LINGO2: variants seen among roughly 807,000 people sequenced by gnomAD.
The protein encoded by LINGO2 is leucine-rich repeat and immunoglobulin-like domain-containing nogo receptor-interacting protein 2.
In LINGO2, 14 loss-of-function variants were observed where a neutral mutation model predicts 30.6. The observed-to-expected ratio is 0.46, with a 90% CI of 0.30 to 0.72. The LOEUF (loss-of-function observed/expected upper bound fraction) is 0.72. Ranked by LOEUF, LINGO2 falls within the 30% of genes least tolerant of loss-of-function variation. The pLI, the probability that LINGO2 is intolerant of heterozygous loss-of-function variation, is 0.07. For missense variants in LINGO2, 729 were observed against 751.7 expected, an observed-to-expected ratio of 0.97 and a Z score of 0.35; for synonymous variants, 317 against 288.5, an observed-to-expected ratio of 1.10 and a Z score of -1.00.
the LINGO2 span, among the ~76,000 whole-genome samples, chr9:29,212,158 C>CT: frequency 3.3e-5 from 5 of 152,146 alleles, no homozygotes; most frequent in Non-Finnish European, 7.4e-5. Flanking sequence ...CAAGGCACAG[C>CT]TTTCCAGAGC....
At chr9:28,756,924 T>C in the LINGO2 span, among the ~76,000 whole-genome samples, 1 of 151,990 alleles carries the variant, frequency 6.6e-6, no homozygotes, top group Non-Finnish European at 1.5e-5. Context: ...CCTTAAACTT[T>C]AATTTTCTTA....
intron 4 of LINGO2, among the ~76,000 whole-genome samples, chr9:28,189,108 C>G (rs148908783): frequency 1.1e-3 from 162 of 152,054 alleles, no homozygotes; most frequent in African/African-American, 3.7e-3. Flanking sequence ...GGCTATCCTG[C>G]AAATTCAGAA....
the LINGO2 span, among the ~76,000 whole-genome samples, chr9:29,010,054 T>G: frequency 6.6e-6 from 1 of 152,122 alleles, no homozygotes; most frequent in Non-Finnish European, 1.5e-5. Flanking sequence ...TACTTAAATG[T>G]TAGACCTAAA....
chr9:28,623,447 C>G (rs1826505318), intron 1 of LINGO2, among the ~76,000 whole-genome samples: 1 of 151,988 alleles, frequency 6.6e-6, no homozygotes, highest in Admixed American at 6.6e-5. Flanking sequence ...ATTGAAGAGA[C>G]TGTCTTTTCC....
intron 2 of LINGO2, among the ~76,000 whole-genome samples, chr9:28,404,900 T>TTGTG (rs60281661): frequency 3.0e-3 from 307 of 102,532 alleles, no homozygotes; most frequent in East Asian, 0.014. Flanking sequence ...CTCAGCCGCT[T>TTGTG]TGTGTGTGTG....
chr9:28,410,209 G>T (rs1437637517), intron 2 of LINGO2, among the ~76,000 whole-genome samples: 1 of 151,476 alleles, frequency 6.6e-6, no homozygotes, highest in Non-Finnish European at 1.5e-5. Flanking sequence ...AGAAATAGAG[G>T]TTATAATTTG....
chr9:28,938,155 G>C, the LINGO2 span, among the ~76,000 whole-genome samples: 5 of 152,028 alleles, frequency 3.3e-5, no homozygotes, highest in Non-Finnish European at 4.4e-5. Context: ...TCTTCATTTT[G>C]TCCCATCTTT....
the LINGO2 span, among the ~76,000 whole-genome samples, chr9:29,200,217 A>G: frequency 1.3e-5 from 2 of 152,116 alleles, no homozygotes; most frequent in Non-Finnish European, 2.9e-5. Flanking sequence ...TGAATGGCAG[A>G]AAATCTGATT....
chr9:28,461,092 G>T (rs1449631009), intron 2 of LINGO2, among the ~76,000 whole-genome samples: 1 of 151,740 alleles, frequency 6.6e-6, no homozygotes, highest in African/African-American at 2.4e-5. Context: ...CTTATATGAA[G>T]AAAAATCTAC....
the LINGO2 span, among the ~76,000 whole-genome samples, chr9:29,012,219 G>A: frequency 3.9e-5 from 6 of 152,098 alleles, no homozygotes; most frequent in South Asian, 2.1e-4. Context: ...TTAGCTGGTC[G>A]TGGTGGCAGA....
At chr9:28,986,929 T>G in the LINGO2 span, among the ~76,000 whole-genome samples, 1 of 152,132 alleles carries the variant, frequency 6.6e-6, no homozygotes, top group South Asian at 2.1e-4. Context: ...TGTATTTTAT[T>G]TTATTTTTTG....
chr9:28,438,346 T>A (rs891798659), intron 2 of LINGO2, among the ~76,000 whole-genome samples: 1 of 152,164 alleles, frequency 6.6e-6, no homozygotes, highest in Non-Finnish European at 1.5e-5. Flanking sequence ...AGGATCCAAA[T>A]AGAATAGAAA....
At chr9:28,447,359 C>T (rs985689878) in intron 2 of LINGO2, among the ~76,000 whole-genome samples, 1 of 152,172 alleles carries the variant, frequency 6.6e-6, no homozygotes, top group Non-Finnish European at 1.5e-5. Context: ...TTTGCCCTTC[C>T]ACCATGTGAG....
intron 4 of LINGO2, among the ~76,000 whole-genome samples, chr9:28,280,548 G>A (rs1823283772): frequency 6.6e-6 from 1 of 152,140 alleles, no homozygotes; most frequent in South Asian, 2.1e-4. Flanking sequence ...TTTAGGTATA[G>A]CTACTTCCTA....
the LINGO2 span, among the ~76,000 whole-genome samples, chr9:28,924,077 G>T: frequency 6.6e-6 from 1 of 152,200 alleles, no homozygotes; most frequent in African/African-American, 2.4e-5. Flanking sequence ...CTACAAAGAA[G>T]TGGAATTGCA....
chr9:28,502,326 A>T (rs1819925992), intron 1 of LINGO2, among the ~76,000 whole-genome samples: 1 of 152,078 alleles, frequency 6.6e-6, no homozygotes, highest in South Asian at 2.1e-4. Flanking sequence ...CAATATTTCC[A>T]GTATTTCAGC....
At chr9:29,196,565 T>C in the LINGO2 span, among the ~76,000 whole-genome samples, 1 of 152,070 alleles carries the variant, frequency 6.6e-6, no homozygotes, top group Admixed American at 6.6e-5. Flanking sequence ...CACCGTTATA[T>C]TGATAGACAA....
the LINGO2 span, among the ~76,000 whole-genome samples, chr9:28,795,698 G>T: frequency 1.4e-3 from 217 of 152,044 alleles, 1 homozygote; most frequent in African/African-American, 4.9e-3. Flanking sequence ...GTTAATTCTT[G>T]CCTGAGTAAT....
At chr9:28,041,587 A>C (rs1022619096) in intron 4 of LINGO2, among the ~76,000 whole-genome samples, 2 of 152,196 alleles carry the variant, frequency 1.3e-5, no homozygotes, top group Admixed American at 6.5e-5. Context: ...GATGTTTTAA[A>C]GTCTCAGTTC....
Sources: gnomAD v4.1 joint callset for allele counts (sites outside exome capture counted in the v4.1 genomes callset) on GRCh38, gnomAD v4.1.1 for gene constraint, MANE v1.5 for transcripts, NCBI Gene and HGNC (gene_info 2026-07-23, HGNC 2026-07-21) for gene names.